The following B3GAT2 variants were observed in gnomAD, a reference collection of about 807,000 sequenced individuals.
B3GAT2 encodes beta-1,3-glucuronyltransferase 2, also known as galactosylgalactosylxylosylprotein 3-beta-glucuronosyltransferase 2.
B3GAT2 carries 26 observed loss-of-function variants against 27.8 expected under a neutral mutation model. That is an observed-to-expected ratio of 0.93 (90% CI 0.68 to 1.30). The LOEUF (loss-of-function observed/expected upper bound fraction) is 1.30. Among genes scored for constraint, B3GAT2 ranks in the 50% most tolerant of loss-of-function variants. The probability of loss-of-function intolerance (pLI) is 0.00; values close to 1 mark genes in which losing one functional copy is unlikely to be tolerated. For missense variants in B3GAT2, 458 were observed against 459.0 expected (o/e 1.00, Z 0.02); for synonymous variants, 218 against 195.1 (o/e 1.12, Z -0.98).
At chr6:70,887,286 C>A (rs568309931) in intron 2 of B3GAT2, among the ~76,000 whole-genome samples, 1 of 152,090 alleles carries the variant, frequency 6.6e-6, no homozygotes, top group African/African-American at 2.4e-5. Flanking sequence ...ATAAATTAAC[C>A]CAGGCAAAAT....
intron 1 of B3GAT2, among the ~76,000 whole-genome samples, chr6:70,926,111 A>C (rs376317724): frequency 1.3e-5 from 2 of 152,264 alleles, no homozygotes; most frequent in East Asian, 3.9e-4. Flanking sequence ...CTAACAAAGC[A>C]TCAACAAAAC....
intron 2 of B3GAT2, among the ~76,000 whole-genome samples, chr6:70,882,409 G>C (rs1429833686): frequency 1.3e-5 from 2 of 152,146 alleles, no homozygotes; most frequent in African/African-American, 4.8e-5. Flanking sequence ...GCTGAGGCAG[G>C]AGAAAAGTGT....
rs1773127768 is a variant in B3GAT2 at position 70,935,373 on chromosome 6, G to T, written c.591+20466C>A. Reference sequence around the variant, plus strand: ...GGAGGGTGAGGCAGGAGAATTGCTTGACCCAGGGAGGTGGAGGCTGCAGTA... The same window carrying T: ...GGAGGGTGAGGCAGGAGAATTGCTTTACCCAGGGAGGTGGAGGCTGCAGTA... On this transcript the variant is annotated intron_variant, in intron 1 of 3. Coordinates refer to ENST00000230053, the MANE Select transcript of B3GAT2 (RefSeq NM_080742.3). 1.3e-5 allele frequency among the ~76,000 whole-genome samples: 2 copies of T among 152,124 alleles called. 1 individual carries two copies. Among genetic ancestry groups the T allele is most frequent in the South Asian group, 4.1e-4 (2 of 4,836 alleles).
At chr6:70,907,637 T>C (rs1161402004) in intron 1 of B3GAT2, among the ~76,000 whole-genome samples, 2 of 152,226 alleles carry the variant, frequency 1.3e-5, no homozygotes, top group South Asian at 2.1e-4. Flanking sequence ...CACTGGAGCA[T>C]GGGCAAAATT....
intron 1 of B3GAT2, among the ~76,000 whole-genome samples, chr6:70,944,881 G>A (rs898949430): frequency 1.3e-5 from 2 of 152,164 alleles, no homozygotes; most frequent in Non-Finnish European, 1.5e-5. Flanking sequence ...AAAACTTCCA[G>A]AGGAACGATC....
chr6:70,950,848 AT>A (rs1765568483), intron 1 of B3GAT2, among the ~76,000 whole-genome samples: 1 of 152,190 alleles, frequency 6.6e-6, no homozygotes. Context: ...CCTATAGTAA[AT>A]GCTCAATTTA....
rs1237907201 is a variant in B3GAT2 at position 70,956,570 on chromosome 6, A to C, written c.-141T>G. ...CCATGGGGCCGAGGGCGCTGCAGAG[A>C]CCTGGAGCCGCGGGGCTCACTACCT... is the stretch of plus-strand genomic sequence containing the variant. On this transcript the variant is annotated 5_prime_UTR_variant, in exon 1 of 4. Transcript: ENST00000230053. 7.5e-6 allele frequency: 11 copies of C among 1,459,358 alleles called. No individual in the cohort carries two copies. The African/African-American group carries it at 1.3e-4, about 17-fold the overall frequency. 90.4% of individuals were successfully genotyped at this position (1,459,358 alleles called of 1,614,324 possible). A position where few individuals can be genotyped will look rare whatever the true frequency, so the allele number is the denominator to read the frequency against.
rs539787361 is a variant in B3GAT2 at position 70,952,417 on chromosome 6, C to T, written c.591+3422G>A. On this transcript the variant is annotated intron_variant, in intron 1 of 3. Transcript: ENST00000230053. ...GGTGAAACCAACTTCACCTGAAAAG[C>T]ATCTGTTTTAAATTTAAGAAAGCTT... Among the ~76,000 whole-genome samples, 40 of 152,116 alleles carry T rather than the reference C, an allele frequency of 2.6e-4. 2 individuals are homozygous for T. The South Asian group carries it at 8.1e-3, about 31-fold the overall frequency.
At chr6:70,893,103 C>T (rs1772318371) in intron 2 of B3GAT2, among the ~76,000 whole-genome samples, 1 of 152,180 alleles carries the variant, frequency 6.6e-6, no homozygotes, top group South Asian at 2.1e-4. Context: ...TGTGACAAGA[C>T]CCACCACACA....
At chr6:70,954,917 G>GGT (rs935433439) in intron 1 of B3GAT2, among the ~76,000 whole-genome samples, 1 of 151,394 alleles carries the variant, frequency 6.6e-6, no homozygotes, top group East Asian at 1.9e-4. Flanking sequence ...GGGGGCGGCG[G>GGT]GGGGGGGCGG....
intron 2 of B3GAT2, among the ~76,000 whole-genome samples, chr6:70,891,959 C>A (rs1772296401): frequency 6.6e-6 from 1 of 151,984 alleles, no homozygotes; most frequent in Admixed American, 6.6e-5. Flanking sequence ...TCCTATCGAC[C>A]AAATTACTTA....
rs1002276626 is a variant in B3GAT2, at chr6:70,955,963, G to A, written c.467C>T (p.Ala156Val). The A allele has an allele frequency of 1.3e-6, 2 of 1,499,740 alleles. No individual in the cohort carries two copies. The highest frequency in any genetic ancestry group is 1.8e-6 in the Non-Finnish European group (2 of 1,130,808). The allele number at this position is 1,499,740 out of a possible 1,614,324, so 92.9% of individuals were successfully genotyped here. Residue 156 changes from alanine (A) to valine (V), a missense_variant, in exon 1 of 4, where the codon GCC (alanine) becomes GTC (valine). Ala to Val is a moderately conservative substitution (Grantham distance 64). Transcript: ENST00000230053. ...RRYKRPGLPR[A>V]TEQRNAGLAW... ...GAGGCCCGCGTTGCGCTGCTCAGTG[G>A]CGCGCGGCAGCCCGGGCCGCTTGTA...
intron 1 of B3GAT2, among the ~76,000 whole-genome samples, chr6:70,934,207 A>C (rs146039685): frequency 6.4e-4 from 98 of 152,252 alleles, no homozygotes; most frequent in African/African-American, 2.2e-3. Flanking sequence ...AATGCATACA[A>C]CTCTCCATGG....
At chr6:70,863,119 C>G (rs1582335934) in intron 2 of B3GAT2, among the ~76,000 whole-genome samples, 1 of 152,254 alleles carries the variant, frequency 6.6e-6, no homozygotes, top group Middle Eastern at 3.4e-3. Context: ...TCTCTTTTTC[C>G]TTAGTGACTA....
At position 70,921,089 on chromosome 6, in the gene B3GAT2, T is replaced by A. The variant is rs112403264; in HGVS notation, c.592-26817A>T. 9.3e-3 allele frequency among the ~76,000 whole-genome samples: 1,414 copies of A among 152,326 alleles called. 10 individuals are homozygous for A. Among genetic ancestry groups the A allele is most frequent in the Middle Eastern group, 0.048 (14 of 294 alleles). ...TTGATGTTGACGTTGGAGAATCTGATGCCTACATGTCTTGGGGATGGTTGT... is the reference window on the plus strand; with the variant it reads ...TTGATGTTGACGTTGGAGAATCTGAAGCCTACATGTCTTGGGGATGGTTGT... On this transcript the variant is annotated intron_variant, in intron 1 of 3. Transcript: ENST00000230053.
At chr6:70,878,457 C>T (rs1000413071) in intron 2 of B3GAT2, among the ~76,000 whole-genome samples, 18 of 152,156 alleles carry the variant, frequency 1.2e-4, no homozygotes, top group East Asian at 1.9e-4. Flanking sequence ...TTGTTCAACA[C>T]GAATGTGAAC....
chr6:70,862,965 G>A (rs556708761), intron 2 of B3GAT2, among the ~76,000 whole-genome samples: 34 of 151,944 alleles, frequency 2.2e-4, no homozygotes, highest in South Asian at 1.2e-3. Context: ...GCAACAGAAT[G>A]AGGCCCTGTC....
intron 1 of B3GAT2, among the ~76,000 whole-genome samples, chr6:70,919,332 G>A (rs778937781): frequency 2.6e-5 from 4 of 152,002 alleles, no homozygotes; most frequent in Non-Finnish European, 4.4e-5. Context: ...TAGCTTCCTC[G>A]CGATTGGTTA....
At chr6:70,881,696 G>A (rs1035420289) in intron 2 of B3GAT2, among the ~76,000 whole-genome samples, 7 of 152,276 alleles carry the variant, frequency 4.6e-5, no homozygotes, top group Admixed American at 2.6e-4. Context: ...GGCATTCTCT[G>A]CCATGCGAGG....
Sources: allele counts gnomAD v4.1 joint callset (sites outside exome capture counted in the v4.1 genomes callset), GRCh38; gene constraint gnomAD v4.1.1; transcripts MANE v1.5; gene names NCBI Gene and HGNC (gene_info 2026-07-23, HGNC 2026-07-21).